NELL2: variants seen among roughly 807,000 people sequenced by gnomAD.
NELL2 encodes the protein protein kinase C-binding protein NELL2.
NELL2 carries 41 observed loss-of-function variants against 109.6 expected under a neutral mutation model. The observed-to-expected ratio is 0.37, with a 90% CI of 0.29 to 0.49. The LOEUF is 0.49. Ranked by LOEUF, NELL2 falls within the 20% of genes least tolerant of loss-of-function variation. The pLI, the probability that NELL2 is intolerant of heterozygous loss-of-function variation, is 0.98. For synonymous variants in NELL2, 355 were observed against 344.7 expected, an observed-to-expected ratio of 1.03 and a Z score of -0.33; for missense variants, 900 against 1,008.3, an observed-to-expected ratio of 0.89 and a Z score of 1.45.
intron 15 of NELL2, among the ~76,000 whole-genome samples, chr12:44,586,619 C>T (rs1206259049): frequency 6.6e-6 from 1 of 152,084 alleles, no homozygotes; most frequent in African/African-American, 2.4e-5. Flanking sequence ...ATTAACCTGA[C>T]CTGATAGTGT....
intron 3 of NELL2, among the ~76,000 whole-genome samples, chr12:44,806,186 A>G (rs767574767): frequency 4.0e-5 from 6 of 151,848 alleles, no homozygotes; most frequent in Non-Finnish European, 8.8e-5. Context: ...TATTAAATGA[A>G]GCTCATTTAT....
chr12:44,526,067 C>T (rs1941758141), intron 16 of NELL2, among the ~76,000 whole-genome samples: 1 of 152,054 alleles, frequency 6.6e-6, no homozygotes, highest in African/African-American at 2.4e-5. Context: ...TGAAGAGCTA[C>T]TCAGGGCCCA....
intron 15 of NELL2, among the ~76,000 whole-genome samples, chr12:44,588,407 C>T (rs575516891): frequency 6.6e-6 from 1 of 152,026 alleles, no homozygotes; most frequent in Admixed American, 6.5e-5. Context: ...TTGAAGGAAA[C>T]CTCTCTCTCA....
At chr12:44,696,810 C>G (rs1230993800) in intron 12 of NELL2, among the ~76,000 whole-genome samples, 1 of 152,276 alleles carries the variant, frequency 6.6e-6, no homozygotes, top group African/African-American at 2.4e-5. Context: ...TTAGGCTCTA[C>G]ATTGCCTCTA....
chr12:44,768,129 G>T (rs1279106403), intron 9 of NELL2, among the ~76,000 whole-genome samples: 1 of 152,108 alleles, frequency 6.6e-6, no homozygotes, highest in Admixed American at 6.6e-5. Context: ...ATTAACAGTA[G>T]ATTTATATTT....
At chr12:44,589,815 A>G (rs1164360917) in intron 15 of NELL2, among the ~76,000 whole-genome samples, 1 of 152,230 alleles carries the variant, frequency 6.6e-6, no homozygotes, top group Non-Finnish European at 1.5e-5. Flanking sequence ...CTTTGCACAG[A>G]TCCATTCTCA....
intron 3 of NELL2, among the ~76,000 whole-genome samples, chr12:44,796,484 G>C (rs1392137220): frequency 6.6e-6 from 1 of 152,038 alleles, no homozygotes; most frequent in Non-Finnish European, 1.5e-5. Context: ...CTAAAGAAAA[G>C]AGGTTTCTTA....
intron 13 of NELL2, among the ~76,000 whole-genome samples, chr12:44,617,048 G>C (rs968823576): frequency 6.6e-6 from 1 of 152,028 alleles, no homozygotes; most frequent in Non-Finnish European, 1.5e-5. Context: ...TCTGGTTTTA[G>C]GTCTATAAGA....
At chr12:44,554,627 A>C (rs1463985378) in intron 15 of NELL2, among the ~76,000 whole-genome samples, 1 of 152,210 alleles carries the variant, frequency 6.6e-6, no homozygotes, top group Admixed American at 6.5e-5. Flanking sequence ...TTCAATTTTT[A>C]AAAAGCTATT....
intron 16 of NELL2, among the ~76,000 whole-genome samples, chr12:44,524,174 A>C (rs575943465): frequency 3.3e-5 from 5 of 152,244 alleles, no homozygotes; most frequent in Admixed American, 6.5e-5. Flanking sequence ...CCCCTGTCTA[A>C]CTCAACTGGC....
chr12:44,671,745 G>T lies in NELL2; in HGVS notation c.1319-6136C>A, dbSNP rs113233151. ...AATAAAAAACCTGAACAGATCAATA[G>T]CAAGTAACAAGACTGGATCGGGAAT... On this transcript the variant is annotated intron_variant, in intron 12 of 19. Transcript: ENST00000429094. 9.9e-3 allele frequency among the ~76,000 whole-genome samples: 1,511 copies of T among 152,192 alleles called. 25 individuals are homozygous for T. The highest frequency in any genetic ancestry group is 0.034 in the African/African-American group (1,398 of 41,526).
intron 11 of NELL2, 24 bp downstream of exon 11, chr12:44,711,268 C>G (rs767927762): frequency 4.5e-6 from 7 of 1,555,886 alleles, no homozygotes; most frequent in Non-Finnish European, 6.2e-6. Flanking sequence ...TGCACGTAAA[C>G]CTTACTTTTC....
chr12:44,668,976 G>A (rs1010148027), intron 12 of NELL2, among the ~76,000 whole-genome samples: 40 of 152,102 alleles, frequency 2.6e-4, no homozygotes, highest in African/African-American at 8.9e-4. Context: ...GCCCATGAAG[G>A]CCACTGAGGG....
chr12:44,799,739 C>T (rs2136650175), intron 3 of NELL2, among the ~76,000 whole-genome samples: 1 of 152,110 alleles, frequency 6.6e-6, no homozygotes, highest in East Asian at 1.9e-4. Flanking sequence ...TTTAATATAG[C>T]TAAGTTATGA....
At chr12:44,864,970 G>A (rs1944946917) in intron 2 of NELL2, among the ~76,000 whole-genome samples, 3 of 144,270 alleles carry the variant, frequency 2.1e-5, no homozygotes, top group Admixed American at 1.4e-4. Context: ...GGTTGAACTA[G>A]TTTACAGTCC....
chr12:44,657,499 A>G (rs1163094302), intron 13 of NELL2, among the ~76,000 whole-genome samples: 1 of 152,040 alleles, frequency 6.6e-6, no homozygotes, highest in South Asian at 2.1e-4. Flanking sequence ...TTTAAATTAT[A>G]CTTTAAGTTC....
At chr12:44,807,396 A>T (rs1309406284) in intron 3 of NELL2, among the ~76,000 whole-genome samples, 2 of 151,746 alleles carry the variant, frequency 1.3e-5, no homozygotes, top group Non-Finnish European at 2.9e-5. Flanking sequence ...TGACTCAAAA[A>T]AAAATATCCG....
Position 44,509,072 on chromosome 12 carries a change from A to C in NELL2, c.2401-88T>G. 2.8e-6 allele frequency: 3 copies of C among 1,079,684 alleles called. No homozygotes were observed. In the South Asian group the frequency reaches 4.1e-5, roughly 15 times the overall value. The allele number at this position is 1,079,684 out of a possible 1,614,324, so 66.9% of individuals were successfully genotyped here. A position where few individuals can be genotyped will look rare whatever the true frequency, so the allele number is the denominator to read the frequency against. On this transcript the variant is annotated intron_variant, in intron 19 of 19. Transcript: ENST00000429094. ...CATTTATTGATTGGTACTTACAAAC[A>C]AAACTGTATAATTTATTTCTGCATT...
chr12:44,725,996 G>C (rs60407775), intron 9 of NELL2, among the ~76,000 whole-genome samples: 11,321 of 151,872 alleles, frequency 0.075, 1,366 homozygotes, highest in African/African-American at 0.25. Context: ...ACCCCCAAAC[G>C]TAAGAAAAAG....
Sources: gnomAD v4.1 joint callset for allele counts (sites outside exome capture counted in the v4.1 genomes callset) on GRCh38, gnomAD v4.1.1 for gene constraint, MANE v1.5 for transcripts, NCBI Gene and HGNC (gene_info 2026-07-23, HGNC 2026-07-21) for gene names.